TSEN15: variants seen among roughly 807,000 people sequenced by gnomAD.
The protein encoded by TSEN15 is tRNA splicing endonuclease subunit 15, also known as tRNA-splicing endonuclease subunit Sen15.
A neutral mutation model predicts 20.5 loss-of-function variants in TSEN15; 10 were observed. The ratio of observed to expected loss-of-function variants is 0.49; its 90% CI spans 0.30 to 0.83. The LOEUF is 0.83. TSEN15 is among the 40% of genes least tolerant of loss of function. TSEN15 has a pLI of 0.06. For synonymous variants in TSEN15, 72 were observed against 80.1 expected (o/e 0.90, Z 0.54); for missense variants, 180 against 218.6 (o/e 0.82, Z 1.11).
At chr1:184,089,564 T>A (rs1011721064) in intron 3 of TSEN15, among the ~76,000 whole-genome samples, 1 of 152,126 alleles carries the variant, frequency 6.6e-6, no homozygotes, top group Non-Finnish European at 1.5e-5. Context: ...GTGACCCTGG[T>A]GCAACTGGCC....
intron 3 of TSEN15, among the ~76,000 whole-genome samples, chr1:184,079,594 G>A (rs1651124664): frequency 6.6e-6 from 1 of 152,118 alleles, no homozygotes; most frequent in African/African-American, 2.4e-5. Flanking sequence ...GAGGGTCAGA[G>A]CACGTGCAAG....
At chr1:184,093,839 C>T (rs751476020) in intron 3 of TSEN15, 1 of 152,098 alleles carries the variant, frequency 6.6e-6, no homozygotes, top group Non-Finnish European at 1.5e-5. Context: ...TTCACTGGGC[C>T]ACAATCCTTG....
chr1:184,077,374 T>A (rs1651083668), downstream of TSEN15, among the ~76,000 whole-genome samples: 1 of 152,134 alleles, frequency 6.6e-6, no homozygotes, highest in African/African-American at 2.4e-5. Context: ...AAAAAAGATT[T>A]CTTTCAAAAT....
At chr1:184,095,671 G>A (rs371953600) in intron 3 of TSEN15, 1 of 391,214 alleles carries the variant, frequency 2.6e-6, no homozygotes, top group African/African-American at 2.2e-5. Context: ...CTCTCTCTGT[G>A]TCTCTCTCTC....
At chr1:184,059,635 A>G (rs546413841) in intron 3 of TSEN15, among the ~76,000 whole-genome samples, 86 of 152,190 alleles carry the variant, frequency 5.7e-4, no homozygotes, top group African/African-American at 2.0e-3. Context: ...CAGTGGCACA[A>G]TCTCGGCACA....
At chr1:184,081,532 T>C (rs1007937615) in intron 3 of TSEN15, among the ~76,000 whole-genome samples, 10 of 152,134 alleles carry the variant, frequency 6.6e-5, no homozygotes, top group African/African-American at 2.2e-4. Flanking sequence ...TGCAAATCTG[T>C]CATGTTCCTG....
intron 3 of TSEN15, chr1:184,071,158 G>T (rs1436944091): frequency 6.6e-6 from 1 of 151,944 alleles, no homozygotes; most frequent in Non-Finnish European, 1.5e-5. Flanking sequence ...TTCATTTCAA[G>T]TATCCTTGAA....
intron 3 of TSEN15, among the ~76,000 whole-genome samples, chr1:184,068,440 T>A (rs957820364): frequency 6.6e-6 from 1 of 152,196 alleles, no homozygotes; most frequent in Non-Finnish European, 1.5e-5. Flanking sequence ...GTCCTCACCT[T>A]CCCTCTGCTA....
intron 3 of TSEN15, among the ~76,000 whole-genome samples, chr1:184,058,542 T>C (rs16822379): frequency 0.18 from 27,568 of 152,008 alleles, 3,238 homozygotes; most frequent in African/African-American, 0.31. Context: ...CTTTTATCTA[T>C]TTTTACTTTT....
rs1228860999 is a variant in TSEN15, at chr1:184,073,033, AT to A, written c.*187del. 2 of 583,290 alleles carry A rather than the reference AT, an allele frequency of 3.4e-6. No individual in the cohort carries two copies. The highest frequency in any genetic ancestry group is 5.9e-6 in the Non-Finnish European group (2 of 336,310). 36.1% of individuals were successfully genotyped at this position (583,290 alleles called of 1,614,324 possible). ...TAGAAGACTTTCTCCTTCTTAAAAA[AT>A]ATAGGGTGATTTCTTTAAAACTTTG... On this transcript the variant is annotated 3_prime_UTR_variant, in exon 5 of 5. Coordinates refer to ENST00000645668, the MANE Select transcript of TSEN15 (RefSeq NM_052965.4).
At chr1:184,053,657 C>A (rs1650133431) in intron 1 of TSEN15, among the ~76,000 whole-genome samples, 1 of 152,186 alleles carries the variant, frequency 6.6e-6, no homozygotes, top group South Asian at 2.1e-4. Context: ...AATTCTCCTG[C>A]AGGTGTAGGC....
intron 3 of TSEN15, among the ~76,000 whole-genome samples, chr1:184,089,875 G>A (rs147434427): frequency 1.3e-3 from 194 of 152,216 alleles, no homozygotes; most frequent in African/African-American, 4.4e-3. Context: ...TCCCCATCAT[G>A]CTCCCCAGTC....
intron 3 of TSEN15, chr1:184,058,022 G>T: frequency 3.3e-6 from 1 of 300,714 alleles, no homozygotes; most frequent in South Asian, 3.3e-5. Flanking sequence ...GTTTGGACAA[G>T]GAGCTACTAT....
At chr1:184,070,765 C>G (rs1650852930) in intron 3 of TSEN15, 1 of 731,798 alleles carries the variant, frequency 1.4e-6, no homozygotes, top group Non-Finnish European at 1.8e-6. Context: ...TCTATCGTTG[C>G]TTTATCAGAA....
chr1:184,096,344 A>C (rs1651448772), exon 4 of TSEN15: 1 of 152,242 alleles, frequency 6.6e-6, no homozygotes. Flanking sequence ...TAATAAAATC[A>C]GATAATCAAA....
At chr1:184,088,256 A>G (rs1413885135) in intron 3 of TSEN15, among the ~76,000 whole-genome samples, 1 of 152,156 alleles carries the variant, frequency 6.6e-6, no homozygotes, top group Non-Finnish European at 1.5e-5. Context: ...CTCCCTGGGC[A>G]GGCTGTGAAG....
At chr1:184,053,392 A>G (rs1650123251) in intron 1 of TSEN15, among the ~76,000 whole-genome samples, 1 of 152,158 alleles carries the variant, frequency 6.6e-6, no homozygotes, top group Non-Finnish European at 1.5e-5. Context: ...GTGTTTCCAT[A>G]CTGATAAAAT....
At chr1:184,089,154 T>C (rs1651315306) in intron 3 of TSEN15, among the ~76,000 whole-genome samples, 1 of 152,214 alleles carries the variant, frequency 6.6e-6, no homozygotes, top group African/African-American at 2.4e-5. Context: ...ATATCAATTT[T>C]ATTTAAACAC....
intron 3 of TSEN15, among the ~76,000 whole-genome samples, chr1:184,065,657 A>G (rs74131423): frequency 0.21 from 31,298 of 152,088 alleles, 3,255 homozygotes; most frequent in African/African-American, 0.25. Flanking sequence ...AGCAATATGT[A>G]TCCCTGCTAG....
Sources: gnomAD v4.1 joint callset for allele counts (sites outside exome capture counted in the v4.1 genomes callset) on GRCh38, gnomAD v4.1.1 for gene constraint, MANE v1.5 for transcripts, NCBI Gene and HGNC (gene_info 2026-07-23, HGNC 2026-07-21) for gene names.